The following VWA2 variants were observed in gnomAD, a reference collection of about 807,000 sequenced individuals.
VWA2 encodes von Willebrand factor A domain-containing protein 2.
VWA2 carries 73 observed loss-of-function variants against 70.4 expected under a neutral mutation model. That is an observed-to-expected ratio of 1.04 (90% CI 0.86 to 1.26). VWA2 has a LOEUF of 1.26. VWA2 is among the 50% of genes most tolerant of loss of function. The pLI is 0.00. For missense variants in VWA2, 1,011 were observed against 998.5 expected, an observed-to-expected ratio of 1.01 and a Z score of -0.17; for synonymous variants, 407 against 423.3, an observed-to-expected ratio of 0.96 and a Z score of 0.47.
rs2038889103 is a variant in VWA2 at position 114,286,320 on chromosome 10, A to G, written c.1379A>G (p.Glu460Gly). The G allele has an allele frequency of 6.2e-7, 1 of 1,612,180 alleles. No homozygotes were observed. The highest frequency in any genetic ancestry group is 1.3e-5 in the African/African-American group (1 of 75,020). The stretch of plus-strand genomic sequence containing the variant: ...CTCACTGAGTCACACTCCGAGGATG[A>G]GGTTGCGGGCCCAGCGCGTCACGCA... ...VLLTESHSED[E>G]VAGPARHARA... Residue 460 changes from glutamate to glycine, a missense_variant, in exon 11 of 14, where the codon GAG (glutamate) becomes GGG (glycine). Coordinates refer to ENST00000392982, the MANE Select transcript of VWA2 (RefSeq NM_001272046.2).
At chr10:114,267,405 C>T (rs2037594695) in intron 5 of VWA2, among the ~76,000 whole-genome samples, 1 of 151,402 alleles carries the variant, frequency 6.6e-6, no homozygotes, top group African/African-American at 2.4e-5. Context: ...TTGTGAGCCA[C>T]CGCGCCGGCT....
intron 5 of VWA2, among the ~76,000 whole-genome samples, chr10:114,265,280 A>G (rs2133340889): frequency 6.6e-6 from 1 of 152,344 alleles, no homozygotes; most frequent in African/African-American, 2.4e-5. Flanking sequence ...GTTTAAAAAA[A>G]AAATTTACCC....
chr10:114,254,814 C>T (rs545983922), intron 3 of VWA2, 101 bp from the exon 4 acceptor site: 23 of 1,501,804 alleles, frequency 1.5e-5, no homozygotes, highest in Admixed American at 5.3e-5. Flanking sequence ...CTAAGAGGGA[C>T]AGCAGCCTGG....
intron 6 of VWA2, among the ~76,000 whole-genome samples, chr10:114,276,191 G>A (rs560670284): frequency 1.3e-5 from 2 of 152,256 alleles, no homozygotes; most frequent in East Asian, 3.9e-4. Context: ...TGAGCTGAGG[G>A]CCATGTAGGG....
intron 10 of VWA2, among the ~76,000 whole-genome samples, chr10:114,285,301 CT>C (rs2133543153): frequency 6.6e-6 from 1 of 152,326 alleles, no homozygotes; most frequent in Non-Finnish European, 1.5e-5. Flanking sequence ...GTCTTTTCTT[CT>C]CTATTCTATG....
intron 5 of VWA2, among the ~76,000 whole-genome samples, chr10:114,268,721 G>A (rs1456897013): frequency 6.7e-6 from 1 of 148,172 alleles, no homozygotes; most frequent in Non-Finnish European, 1.5e-5. Context: ...TTGAGACGGA[G>A]TCTCGCTCTG....
intron 5 of VWA2, among the ~76,000 whole-genome samples, 162 bp from the exon 6 acceptor site, chr10:114,272,578 G>T (rs2037733736): frequency 6.6e-6 from 1 of 152,168 alleles, no homozygotes; most frequent in Non-Finnish European, 1.5e-5. Context: ...TCTGTTCATT[G>T]TTGTTGTGGT....
rs570510812 is a variant in VWA2, at chr10:114,246,505, C to CAAAAAAAAAAAAAAAAAAAAAA, written c.-10-2179_-10-2178insAAAAAAAAAAAAAAAAAAAAAA. 256 of 384,948 alleles carry CAAAAAAAAAAAAAAAAAAAAAA rather than the reference C, an allele frequency of 6.7e-4. 6 individuals are homozygous for CAAAAAAAAAAAAAAAAAAAAAA. The highest frequency in any genetic ancestry group is 1.0e-3 in the African/African-American group (22 of 21,642). 23.8% of individuals were successfully genotyped at this position (384,948 alleles called of 1,614,324 possible). A position where few individuals can be genotyped will look rare whatever the true frequency, so the allele number is the denominator to read the frequency against. ...AACAAGAGTGAAAGAAACTCCATCT[C>CAAAAAAAAAAAAAAAAAAAAAA]AAAAAAAAAAAAAAAAAAAACGAGT... is the stretch of plus-strand genomic sequence containing the variant. On this transcript the variant is annotated intron_variant, in intron 1 of 13. Coordinates refer to ENST00000392982, the MANE Select transcript of VWA2 (RefSeq NM_001272046.2).
chr10:114,253,874 C>G, intron 3 of VWA2, 149 bp downstream of exon 3: 3 of 753,562 alleles, frequency 4.0e-6, no homozygotes, highest in Non-Finnish European at 4.3e-6. Context: ...CAAACAGGGA[C>G]CTGACCAAAT....
intron 9 of VWA2, among the ~76,000 whole-genome samples, chr10:114,283,494 G>A (rs2038454633): frequency 1.3e-5 from 2 of 152,196 alleles, no homozygotes; most frequent in Admixed American, 1.3e-4. Flanking sequence ...TGAAGCACAG[G>A]AGAATCTGAG....
At chr10:114,240,201 TC>T (rs1377566438) in intron 1 of VWA2, among the ~76,000 whole-genome samples, 1 of 152,050 alleles carries the variant, frequency 6.6e-6, no homozygotes, top group African/African-American at 2.4e-5. Flanking sequence ...TCTGGTGACT[TC>T]CCCCACCTGG....
chr10:114,266,157 C>T (rs991312846), intron 5 of VWA2, among the ~76,000 whole-genome samples: 3 of 151,886 alleles, frequency 2.0e-5, no homozygotes, highest in Non-Finnish European at 4.4e-5. Flanking sequence ...ATTAGCCGGG[C>T]GTGGTGGCGG....
intron 6 of VWA2, among the ~76,000 whole-genome samples, chr10:114,275,190 G>A (rs1333983011): frequency 6.6e-6 from 1 of 152,168 alleles, no homozygotes; most frequent in Non-Finnish European, 1.5e-5. Context: ...AGAAGATAGA[G>A]TGATGGAGAC....
At chr10:114,269,722 T>G (rs2037664919) in intron 5 of VWA2, among the ~76,000 whole-genome samples, 1 of 152,138 alleles carries the variant, frequency 6.6e-6, no homozygotes. Context: ...AACAAGCACT[T>G]TTTCTTTTCA....
rs368890749 is a variant in VWA2 at position 114,278,729 on chromosome 10, C to T, written c.711C>T (p.Val237=). 1.7e-5 allele frequency: 28 copies of T among 1,613,816 alleles called. No individual in the cohort carries two copies. In the African/African-American group the frequency reaches 1.9e-4, roughly 11 times the overall value. The change falls in exon 8 of 14, where the codon GTC becomes GTT. Residue 237 remains valine, a synonymous_variant. Transcript: ENST00000392982. Reference sequence around the variant, plus strand: ...GTGTTGTGGACACAGACTGCAGGGTCGAGGCTCACCCCTGTGAGCACAGGA... The same window carrying T: ...GTGTTGTGGACACAGACTGCAGGGTTGAGGCTCACCCCTGTGAGCACAGGA... ...ICSSATPDCR[V]EAHPCEHRTL... is the part of the protein sequence containing the mutation.
At chr10:114,290,214 G>T in intron 12 of VWA2, 26 bp from the exon 13 acceptor site, 1 of 1,549,762 alleles carries the variant, frequency 6.5e-7, no homozygotes, top group Non-Finnish European at 8.7e-7. Context: ...TGGCCGGCCT[G>T]GTGGGTATGG....
intron 1 of VWA2, chr10:114,246,558 C>G: frequency 1.0e-6 from 1 of 955,290 alleles, no homozygotes; most frequent in East Asian, 2.4e-5. Flanking sequence ...CATTCCCTGA[C>G]TGTAACAGAG....
Position 114,289,143 on chromosome 10 carries a change from T to TAATG in VWA2, c.1776_1777insAATG (p.Ala593AsnfsTer8). On this transcript the variant is annotated frameshift_variant, in exon 12 of 14. Coordinates refer to ENST00000392982, the MANE Select transcript of VWA2 (RefSeq NM_001272046.2). LOFTEE classifies it high-confidence loss of function. ...GGCTGGACACCAAACCCACCCGGGC[T>TAATG]GCGATGCTGCGGGCCATTAGCCAGG... 1.2e-6 allele frequency: 2 copies of TAATG among 1,613,878 alleles called. No individual in the cohort carries two copies. The highest frequency in any genetic ancestry group is 1.7e-6 in the Non-Finnish European group (2 of 1,179,930).
chr10:114,294,213 T>C lies in VWA2; in HGVS notation c.*2976T>C, dbSNP rs1224691081. ...CATCTTATTTCAGATTCTTTTAATCTGTGTCCAACAATGAGATTTGTTTTC... is the reference window on the plus strand; with the variant it reads ...CATCTTATTTCAGATTCTTTTAATCCGTGTCCAACAATGAGATTTGTTTTC... On this transcript the variant is annotated 3_prime_UTR_variant, in exon 14 of 14. Coordinates refer to ENST00000392982, the MANE Select transcript of VWA2 (RefSeq NM_001272046.2). 3.3e-5 allele frequency among the ~76,000 whole-genome samples: 5 copies of C among 152,240 alleles called. No individual in the cohort carries two copies. The highest frequency in any genetic ancestry group is 1.2e-4 in the African/African-American group (5 of 41,468).
Sources: allele counts gnomAD v4.1 joint callset (sites outside exome capture counted in the v4.1 genomes callset), GRCh38; gene constraint gnomAD v4.1.1; transcripts MANE v1.5; gene names NCBI Gene and HGNC (gene_info 2026-07-23, HGNC 2026-07-21).